ARHGEF4: variants seen among roughly 807,000 people sequenced by gnomAD.
The protein encoded by ARHGEF4 is Rho guanine nucleotide exchange factor 4, also known as APC-stimulated guanine nucleotide exchange factor 1.
In ARHGEF4, 119 loss-of-function variants were observed where a neutral mutation model predicts 162.0. The ratio of observed to expected loss-of-function variants is 0.73; its 90% CI spans 0.63 to 0.86. The LOEUF (loss-of-function observed/expected upper bound fraction) is 0.86, where lower values mean the gene tolerates loss of function less well. Ranked by LOEUF, ARHGEF4 falls within the 40% of genes least tolerant of loss-of-function variation. The probability of loss-of-function intolerance (pLI) is 0.00; values close to 1 mark genes in which losing one functional copy is unlikely to be tolerated. For synonymous variants in ARHGEF4, 1,014 were observed against 979.9 expected, an observed-to-expected ratio of 1.03 and a Z score of -0.65; for missense variants, 2,488 against 2,456.0, an observed-to-expected ratio of 1.01 and a Z score of -0.28.
chr2:131,027,906 G>A (rs527320870), intron 4 of ARHGEF4, 39 bp from the exon 5 acceptor site: 15 of 1,611,208 alleles, frequency 9.3e-6, no homozygotes, highest in Middle Eastern at 1.9e-4. Context: ...GCCCTTCCCA[G>A]CCCAGCCCCC....
At chr2:130,938,820 T>A (rs966456678) in intron 3 of ARHGEF4, among the ~76,000 whole-genome samples, 1 of 152,210 alleles carries the variant, frequency 6.6e-6, no homozygotes, top group East Asian at 1.9e-4. Flanking sequence ...CAGTGACCCC[T>A]AAGTCTCAAA....
At chr2:130,854,763 C>T (rs930117630) in intron 1 of ARHGEF4, among the ~76,000 whole-genome samples, 6 of 152,164 alleles carry the variant, frequency 3.9e-5, no homozygotes, top group African/African-American at 1.4e-4. Context: ...AAAGCAGGCC[C>T]CCACCCCCAG....
At chr2:131,030,497 C>T (rs972345867) in intron 5 of ARHGEF4, among the ~76,000 whole-genome samples, 3 of 152,164 alleles carry the variant, frequency 2.0e-5, no homozygotes, top group African/African-American at 7.2e-5. Flanking sequence ...GTTTAGGGCG[C>T]GTGTCCCCAG....
intron 4 of ARHGEF4, among the ~76,000 whole-genome samples, chr2:130,971,333 C>A (rs771584183): frequency 7.2e-5 from 11 of 152,134 alleles, no homozygotes; most frequent in Non-Finnish European, 1.6e-4. Flanking sequence ...AATTCTTCTT[C>A]TTTTTTGCCT....
chr2:130,916,144 C>G lies in ARHGEF4; in HGVS notation c.2198C>G (p.Pro733Arg), dbSNP rs1006416916. The change falls in exon 2 of 14, where the codon CCG (proline) becomes CGG (arginine). Residue 733 changes from proline (P) to arginine (R), a missense_variant. By Grantham distance (103) the Pro-to-Arg change is moderately radical (BLOSUM62 -2). Coordinates refer to ENST00000409359, the MANE Select transcript of ARHGEF4 (RefSeq NM_001367493.1). ...SEETPSTEEP[P>R]GERLRGESRS... ...GAGACGCCGAGCACAGAGGAGCCCC[C>G]GGGAGAGAGACTGCGTGGGGAGAGC... 6.5e-6 allele frequency: 10 copies of G among 1,549,174 alleles called. No individual in the cohort carries two copies. The highest frequency in any genetic ancestry group is 8.7e-6 in the Non-Finnish European group (10 of 1,146,858).
At chr2:130,963,891 C>G (rs1253991148) in intron 4 of ARHGEF4, 3 of 304 alleles carry the variant, frequency 9.9e-3, no homozygotes, top group Non-Finnish European at 0.024. Flanking sequence ...TAACGGAGCC[C>G]CATGATGTCA....
At chr2:130,964,686 G>A (rs1684889663) in intron 4 of ARHGEF4, among the ~76,000 whole-genome samples, 1 of 152,236 alleles carries the variant, frequency 6.6e-6, no homozygotes, top group Non-Finnish European at 1.5e-5. Flanking sequence ...CGCTGGCCGA[G>A]GGTGGAACGG....
chr2:130,966,221 T>C (rs1357271941), intron 4 of ARHGEF4, among the ~76,000 whole-genome samples: 2 of 152,184 alleles, frequency 1.3e-5, no homozygotes, highest in Non-Finnish European at 2.9e-5. Flanking sequence ...CAGTGACCAA[T>C]GCTCGATGTG....
chr2:130,966,194 G>A lies in ARHGEF4; in HGVS notation c.3985+19559G>A, dbSNP rs1165643505. Among the ~76,000 whole-genome samples the A allele has an allele frequency of 3.3e-5, 5 of 152,282 alleles. No individual in the cohort carries two copies. The South Asian group carries it at 8.3e-4, about 25-fold the overall frequency. Reference sequence around the variant, plus strand: ...TCTGCCCCCACTTCCTGCCTTGTTTGGTAGGACCTGCATCAGCAGTGACCA... The same window carrying A: ...TCTGCCCCCACTTCCTGCCTTGTTTAGTAGGACCTGCATCAGCAGTGACCA... On this transcript the variant is annotated intron_variant, in intron 4 of 13. Transcript: ENST00000409359.
chr2:130,851,652 TGAA>T (rs1275838702), intron 1 of ARHGEF4, among the ~76,000 whole-genome samples: 2 of 152,172 alleles, frequency 1.3e-5, no homozygotes, highest in African/African-American at 2.4e-5. Context: ...GTGGGTCACA[TGAA>T]GAAGAAGGGT....
At chr2:131,041,563 G>C in intron 9 of ARHGEF4, 101 bp downstream of exon 9, 2 of 1,293,850 alleles carry the variant, frequency 1.5e-6, no homozygotes, top group Non-Finnish European at 2.1e-6. Context: ...GCAGCCCTGG[G>C]GCAACACACA....
chr2:130,952,665 C>G (rs1167963955), intron 4 of ARHGEF4, among the ~76,000 whole-genome samples: 1 of 152,166 alleles, frequency 6.6e-6, no homozygotes, highest in East Asian at 1.9e-4. Flanking sequence ...TAGAAAACCC[C>G]ATCGTTTCAG....
intron 11 of ARHGEF4, 119 bp from the exon 12 acceptor site, chr2:131,044,180 C>A: frequency 5.6e-6 from 8 of 1,428,388 alleles, no homozygotes; most frequent in Non-Finnish European, 7.6e-6. Flanking sequence ...TCACTGTCTG[C>A]TGGGGAGGTG....
intron 1 of ARHGEF4, among the ~76,000 whole-genome samples, chr2:130,882,727 G>C (rs922114677): frequency 6.6e-6 from 1 of 151,868 alleles, no homozygotes; most frequent in Non-Finnish European, 1.5e-5. Context: ...GACTTCACCC[G>C]TACCCTCTCT....
chr2:131,033,655 C>T (rs187655160), intron 5 of ARHGEF4, among the ~76,000 whole-genome samples: 92 of 152,290 alleles, frequency 6.0e-4, no homozygotes, highest in Non-Finnish European at 9.3e-4. Flanking sequence ...GGGGTACCAG[C>T]GAGACTTTAG....
At chr2:131,004,289 C>T (rs1014194890) in intron 4 of ARHGEF4, among the ~76,000 whole-genome samples, 8 of 152,154 alleles carry the variant, frequency 5.3e-5, no homozygotes, top group Non-Finnish European at 1.0e-4. Flanking sequence ...CCTCAGCTTC[C>T]CGAGTAGCTG....
At position 130,917,414 on chromosome 2, in the gene ARHGEF4, G is replaced by A. The variant is rs370877068; in HGVS notation, c.3468G>A (p.Glu1156=). ...LLSLQTLNQD[E]QKEESREGGQ... ...CTCTGCAGACGCTAAACCAAGATGA[G>A]CAGAAGGAAGAGAGCAGGGAAGGAG... Residue 1156 remains glutamate, a synonymous_variant, in exon 2 of 14, where the codon GAG becomes GAA. Coordinates refer to ENST00000409359, the MANE Select transcript of ARHGEF4 (RefSeq NM_001367493.1). 2 of 1,550,674 alleles carry A rather than the reference G, an allele frequency of 1.3e-6. No homozygotes were observed. Among genetic ancestry groups the A allele is most frequent in the South Asian group, 2.4e-5 (2 of 84,068 alleles).
chr2:130,985,016 C>G (rs7591752), intron 4 of ARHGEF4, among the ~76,000 whole-genome samples: 93,061 of 151,624 alleles, frequency 0.61, 32,381 homozygotes, highest in Non-Finnish European at 0.77. Flanking sequence ...GGTGCTCCCC[C>G]ATCAAGCTCT....
intron 4 of ARHGEF4, among the ~76,000 whole-genome samples, chr2:131,003,183 C>T (rs1038246016): frequency 6.6e-6 from 1 of 152,152 alleles, no homozygotes; most frequent in African/African-American, 2.4e-5. Context: ...TGAGCCATGA[C>T]GAGGCCAGGG....
Sources: allele counts gnomAD v4.1 joint callset (sites outside exome capture counted in the v4.1 genomes callset), GRCh38; gene constraint gnomAD v4.1.1; transcripts MANE v1.5; gene names NCBI Gene and HGNC (gene_info 2026-07-23, HGNC 2026-07-21).